The following SGK1 variants were observed in gnomAD, a reference collection of about 807,000 sequenced individuals.
The protein encoded by SGK1 is serum/glucocorticoid regulated kinase 1, also known as serine/threonine-protein kinase Sgk1.
Under a neutral mutation model 64.2 loss-of-function variants are expected in SGK1, and 26 were observed. That is an observed-to-expected ratio of 0.40 (90% CI 0.30 to 0.56). The LOEUF is 0.56. SGK1 is among the 20% of genes least tolerant of loss of function. The pLI, the probability that SGK1 is intolerant of heterozygous loss-of-function variation, is 0.38. For synonymous variants in SGK1, 265 were observed against 239.7 expected, an observed-to-expected ratio of 1.11 and a Z score of -0.98; for missense variants, 519 against 645.6, an observed-to-expected ratio of 0.80 and a Z score of 2.12.
At chr6:134,256,563 A>C (rs541272055) in intron 2 of SGK1, among the ~76,000 whole-genome samples, 2 of 152,310 alleles carry the variant, frequency 1.3e-5, no homozygotes, top group South Asian at 4.1e-4. Flanking sequence ...TGGGAGATAC[A>C]ATACAGAGTA....
At chr6:134,266,613 C>T (rs546384153) in intron 1 of SGK1, among the ~76,000 whole-genome samples, 1 of 152,058 alleles carries the variant, frequency 6.6e-6, no homozygotes, top group African/African-American at 2.4e-5. Context: ...GAGACTCTGT[C>T]TCAAAAAAAA....
At chr6:134,248,893 T>G (rs1365528831) in intron 2 of SGK1, among the ~76,000 whole-genome samples, 2 of 152,150 alleles carry the variant, frequency 1.3e-5, no homozygotes, top group Non-Finnish European at 2.9e-5. Context: ...TCCCTTCAAC[T>G]ACTATTCTCT....
intron 1 of SGK1, among the ~76,000 whole-genome samples, chr6:134,290,150 CAAAAAA>C (rs35039086): frequency 1.3e-5 from 1 of 75,924 alleles, no homozygotes; most frequent in Non-Finnish European, 2.3e-5. Flanking sequence ...AGCTCCTTCT[CAAAAAA>C]AAAAAAAAAA....
chr6:134,175,091 C>T (rs1775186733), intron 3 of SGK1, among the ~76,000 whole-genome samples: 1 of 152,080 alleles, frequency 6.6e-6, no homozygotes, highest in South Asian at 2.1e-4. Context: ...GGCGCAGGGC[C>T]GTTATCAGTC....
At chr6:134,278,713 A>T (rs1305282362) in intron 1 of SGK1, among the ~76,000 whole-genome samples, 1 of 152,222 alleles carries the variant, frequency 6.6e-6, no homozygotes, top group African/African-American at 2.4e-5. Context: ...ATATCTATGA[A>T]GTACCTATTA....
Position 134,261,941 on chromosome 6 carries a change from C to A in SGK1, c.277G>T (p.Gly93Trp). 6.2e-7 allele frequency: 1 copy of A among 1,610,936 alleles called. No homozygotes were observed. Among genetic ancestry groups the A allele is most frequent in the Non-Finnish European group, 8.5e-7 (1 of 1,177,134 alleles). The change falls in exon 2 of 14, where the codon GGG (glycine) becomes TGG (tryptophan). Residue 93 changes from glycine (G) to tryptophan (W), a missense_variant. Physicochemically the swap from Gly to Trp is radical, Grantham distance 184 (BLOSUM62 -2). Transcript: ENST00000367858. ...AGCGAACATGAACTTACTTCACACC[C>A]AGATTGAGTTTCCCATGAACATGAC... ...NESCSWETQS[G>W]CEVREPCNHA...
At chr6:134,259,997 G>A (rs1165552569) in intron 2 of SGK1, 1 of 152,098 alleles carries the variant, frequency 6.6e-6, no homozygotes, top group African/African-American at 2.4e-5. Context: ...TATTTGCATG[G>A]CATTCTATAG....
intron 1 of SGK1, among the ~76,000 whole-genome samples, chr6:134,309,787 G>A (rs1379785068): frequency 6.6e-6 from 1 of 152,092 alleles, no homozygotes. Context: ...TCCTTAGCAG[G>A]CAGGAAACAG....
chr6:134,262,197 G>C (rs1776777993), intron 1 of SGK1, 49 bp from the exon 2 acceptor site: 3 of 1,356,144 alleles, frequency 2.2e-6, no homozygotes, highest in Admixed American at 4.3e-5. Context: ...GACTCCCTTT[G>C]ATGTTTATTG....
At chr6:134,294,559 G>A (rs913962415) in intron 1 of SGK1, among the ~76,000 whole-genome samples, 1 of 152,000 alleles carries the variant, frequency 6.6e-6, no homozygotes, top group Non-Finnish European at 1.5e-5. Flanking sequence ...TTTTGAAATG[G>A]AGGCTCACTT....
At chr6:134,189,996 C>T (rs1414093793) in intron 3 of SGK1, among the ~76,000 whole-genome samples, 6 of 151,938 alleles carry the variant, frequency 3.9e-5, no homozygotes, top group East Asian at 3.9e-4. Context: ...ATTACAAGCA[C>T]GCGCCACCAT....
At chr6:134,209,875 C>A (rs1385424405) in intron 2 of SGK1, among the ~76,000 whole-genome samples, 1 of 152,094 alleles carries the variant, frequency 6.6e-6, no homozygotes, top group East Asian at 1.9e-4. Flanking sequence ...TGGGGTTTTG[C>A]CATGTTGGTC....
intron 2 of SGK1, among the ~76,000 whole-genome samples, chr6:134,213,419 G>T (rs1775923766): frequency 6.6e-6 from 1 of 151,818 alleles, no homozygotes; most frequent in Non-Finnish European, 1.5e-5. Context: ...TACTCTGAAG[G>T]CTGAGGCAGA....
intron 2 of SGK1, among the ~76,000 whole-genome samples, chr6:134,236,628 A>C (rs979665636): frequency 3.3e-4 from 50 of 152,220 alleles, no homozygotes; most frequent in South Asian, 6.2e-4. Context: ...CTCTATCTCA[A>C]AAATAAATAA....
chr6:134,316,471 A>G (rs764518242), intron 1 of SGK1, among the ~76,000 whole-genome samples: 3 of 152,104 alleles, frequency 2.0e-5, no homozygotes, highest in Non-Finnish European at 4.4e-5. Context: ...CACTGTCCTT[A>G]AGAGTGTCAG....
At chr6:134,187,694 C>T (rs1294425700) in intron 3 of SGK1, among the ~76,000 whole-genome samples, 2 of 152,196 alleles carry the variant, frequency 1.3e-5, no homozygotes, top group South Asian at 2.1e-4. Context: ...AAAATGTATT[C>T]CTTGATCAGA....
intron 3 of SGK1, among the ~76,000 whole-genome samples, chr6:134,194,398 C>T (rs1775564837): frequency 6.6e-6 from 1 of 152,300 alleles, no homozygotes; most frequent in African/African-American, 2.4e-5. Flanking sequence ...TCTATAAATG[C>T]TCCCTGTCCA....
chr6:134,232,677 C>A (rs1182716438), intron 2 of SGK1, among the ~76,000 whole-genome samples: 7 of 152,096 alleles, frequency 4.6e-5, no homozygotes, highest in Non-Finnish European at 8.8e-5. Context: ...ATGGCGAAAA[C>A]TCGTCTCTGC....
At chr6:134,247,788 A>G (rs1451261837) in intron 2 of SGK1, among the ~76,000 whole-genome samples, 1 of 152,182 alleles carries the variant, frequency 6.6e-6, no homozygotes, top group Non-Finnish European at 1.5e-5. Context: ...CCATTCACTA[A>G]AATTATAGAT....
Sources: allele counts gnomAD v4.1 joint callset (sites outside exome capture counted in the v4.1 genomes callset), GRCh38; gene constraint gnomAD v4.1.1; transcripts MANE v1.5; gene names NCBI Gene and HGNC (gene_info 2026-07-23, HGNC 2026-07-21).